The following HECW1 variants were observed in gnomAD, a reference collection of about 807,000 sequenced individuals.
HECW1 encodes HECT, C2 and WW domain containing E3 ubiquitin protein ligase 1, also known as E3 ubiquitin-protein ligase HECW1.
A neutral mutation model predicts 182.3 loss-of-function variants in HECW1; 61 were observed. The observed-to-expected ratio is 0.33, with a 90% CI of 0.27 to 0.41. The LOEUF is 0.41. Among genes scored for constraint, HECW1 ranks in the 10% least tolerant of loss-of-function variants. The pLI, the probability that HECW1 is intolerant of heterozygous loss-of-function variation, is 1.00. For synonymous variants in HECW1, 859 were observed against 832.6 expected, an observed-to-expected ratio of 1.03 and a Z score of -0.55; for missense variants, 1,739 against 2,108.9, an observed-to-expected ratio of 0.82 and a Z score of 3.44.
At position 43,122,647 on chromosome 7, in the gene HECW1, T is replaced by C. The variant is rs186584342; in HGVS notation, c.-32+8256T>C. Among the ~76,000 whole-genome samples the C allele has an allele frequency of 4.1e-4, 63 of 152,272 alleles. 1 individual carries two copies. Among genetic ancestry groups the C allele is most frequent in the Admixed American group, 3.9e-3 (60 of 15,294 alleles). ...CATACATTCAGATCATGGTGTGACA[T>C]CCTTGAGAAAAATAGCGGAAATTCA... On this transcript the variant is annotated intron_variant, in intron 2 of 29. Coordinates refer to ENST00000395891, the MANE Select transcript of HECW1 (RefSeq NM_015052.5).
intron 3 of HECW1, chr7:43,311,549 G>T: frequency 1.3e-5 from 10 of 745,860 alleles, no homozygotes; most frequent in Non-Finnish European, 1.5e-5. Flanking sequence ...GGACACCCTG[G>T]TGCACTTGTG....
chr7:43,117,044 T>A (rs1278542156), intron 2 of HECW1, among the ~76,000 whole-genome samples: 1 of 152,260 alleles, frequency 6.6e-6, no homozygotes, highest in African/African-American at 2.4e-5. Flanking sequence ...GTTAAAACTA[T>A]TCTTTATACA....
At chr7:43,371,388 G>A (rs1235211593) in intron 6 of HECW1, among the ~76,000 whole-genome samples, 2 of 152,164 alleles carry the variant, frequency 1.3e-5, no homozygotes, top group East Asian at 1.9e-4. Context: ...GAGGCTGTGC[G>A]TGTGTGGGGA....
intron 17 of HECW1, among the ~76,000 whole-genome samples, chr7:43,485,117 G>C (rs1327806850): frequency 6.6e-6 from 1 of 152,172 alleles, no homozygotes; most frequent in Non-Finnish European, 1.5e-5. Flanking sequence ...CGAAAAAAAA[G>C]CTTGACAGTG....
intron 17 of HECW1, among the ~76,000 whole-genome samples, chr7:43,485,691 C>A (rs1249619421): frequency 6.6e-6 from 1 of 151,972 alleles, no homozygotes; most frequent in Non-Finnish European, 1.5e-5. Context: ...AGTAAAAATA[C>A]AATATAAAAG....
At chr7:43,502,695 G>A (rs2079414867) in intron 21 of HECW1, among the ~76,000 whole-genome samples, 1 of 152,086 alleles carries the variant, frequency 6.6e-6, no homozygotes, top group Non-Finnish European at 1.5e-5. Flanking sequence ...GATATTTTCT[G>A]GATTCATCAA....
At chr7:43,160,235 G>A (rs183250753) in intron 2 of HECW1, among the ~76,000 whole-genome samples, 4 of 152,190 alleles carry the variant, frequency 2.6e-5, no homozygotes, top group African/African-American at 7.2e-5. Flanking sequence ...GTAAAGAATT[G>A]CCTTTTATAC....
intron 24 of HECW1, among the ~76,000 whole-genome samples, chr7:43,539,096 A>C (rs1267474745): frequency 6.6e-6 from 1 of 152,206 alleles, no homozygotes; most frequent in Non-Finnish European, 1.5e-5. Context: ...AATTTTTAAT[A>C]CTGAACTATC....
At position 43,159,975 on chromosome 7, in the gene HECW1, A is replaced by G. The variant is rs530806516; in HGVS notation, c.-32+45584A>G. On this transcript the variant is annotated intron_variant, in intron 2 of 29. Transcript: ENST00000395891. Reference sequence around the variant, plus strand: ...ATTACAGGCGTGAGCCACCGCGCCCAGCTGTATCTTTACAAATATAGTACA... The same window carrying G: ...ATTACAGGCGTGAGCCACCGCGCCCGGCTGTATCTTTACAAATATAGTACA... Among the ~76,000 whole-genome samples the G allele has an allele frequency of 5.3e-5, 8 of 152,340 alleles. No individual in the cohort carries two copies. In the East Asian group the frequency reaches 1.5e-3, roughly 29 times the overall value.
chr7:43,367,302 C>G (rs567951593), intron 6 of HECW1, among the ~76,000 whole-genome samples: 1 of 152,238 alleles, frequency 6.6e-6, no homozygotes, highest in Non-Finnish European at 1.5e-5. Flanking sequence ...AGCATATCAC[C>G]AATACTTAGC....
chr7:43,161,244 T>C (rs1790494082), intron 2 of HECW1, among the ~76,000 whole-genome samples: 1 of 152,226 alleles, frequency 6.6e-6, no homozygotes, highest in Non-Finnish European at 1.5e-5. Context: ...TTGAGATTGC[T>C]TTGGGTTTTT....
At chr7:43,185,283 A>G (rs187070354) in intron 2 of HECW1, among the ~76,000 whole-genome samples, 30 of 152,300 alleles carry the variant, frequency 2.0e-4, no homozygotes, top group East Asian at 1.7e-3. Flanking sequence ...TCCTCCATCT[A>G]GCTGTTCACC....
At chr7:43,158,818 A>G (rs1261395001) in intron 2 of HECW1, among the ~76,000 whole-genome samples, 1 of 152,186 alleles carries the variant, frequency 6.6e-6, no homozygotes, top group African/African-American at 2.4e-5. Context: ...AGTTCAAAAT[A>G]CTTTAAAAAA....
intron 7 of HECW1, among the ~76,000 whole-genome samples, chr7:43,402,652 G>A (rs561992109): frequency 6.6e-6 from 1 of 152,232 alleles, no homozygotes; most frequent in East Asian, 1.9e-4. Flanking sequence ...GAGAATTGGG[G>A]ACATTGCAAT....
At chr7:43,264,692 A>C (rs1043090464) in intron 3 of HECW1, among the ~76,000 whole-genome samples, 1 of 151,950 alleles carries the variant, frequency 6.6e-6, no homozygotes, top group Non-Finnish European at 1.5e-5. Flanking sequence ...AAAATACAAA[A>C]AATTAGCCAG....
At chr7:43,483,088 G>C (rs1472270272) in intron 17 of HECW1, among the ~76,000 whole-genome samples, 2 of 152,140 alleles carry the variant, frequency 1.3e-5, no homozygotes, top group Non-Finnish European at 2.9e-5. Context: ...CCAAGCAACA[G>C]GTTCCCGCTT....
chr7:43,455,393 T>C lies in HECW1; in HGVS notation c.2501-904T>C, dbSNP rs560503793. ...AGGAAAGGCAATCTATTAAGTTTACTAAGTATAAGACAGAGGTCATCTAAA... is the reference window on the plus strand; with the variant it reads ...AGGAAAGGCAATCTATTAAGTTTACCAAGTATAAGACAGAGGTCATCTAAA... On this transcript the variant is annotated intron_variant, in intron 12 of 29. Coordinates refer to ENST00000395891, the MANE Select transcript of HECW1 (RefSeq NM_015052.5). Among the ~76,000 whole-genome samples the C allele has an allele frequency of 5.3e-5, 8 of 152,334 alleles. No individual in the cohort carries two copies. In the South Asian group the frequency reaches 1.7e-3, roughly 32 times the overall value.
At chr7:43,265,612 A>G (rs1435604473) in intron 3 of HECW1, among the ~76,000 whole-genome samples, 1 of 152,176 alleles carries the variant, frequency 6.6e-6, no homozygotes, top group Non-Finnish European at 1.5e-5. Flanking sequence ...GACACCAAAC[A>G]TCTGGTCTTC....
At chr7:43,255,716 A>C (rs147615227) in intron 3 of HECW1, among the ~76,000 whole-genome samples, 4 of 152,272 alleles carry the variant, frequency 2.6e-5, no homozygotes, top group Non-Finnish European at 5.9e-5. Flanking sequence ...AGGAGATGAC[A>C]TGATGAGCCA....
Sources: allele counts gnomAD v4.1 joint callset (sites outside exome capture counted in the v4.1 genomes callset), GRCh38; gene constraint gnomAD v4.1.1; transcripts MANE v1.5; gene names NCBI Gene and HGNC (gene_info 2026-07-23, HGNC 2026-07-21).